ERCC6: variants seen among roughly 807,000 people sequenced by gnomAD.
ERCC6 encodes the protein DNA excision repair protein ERCC-6.
In ERCC6, 116 loss-of-function variants were observed where a neutral mutation model predicts 158.7. The observed-to-expected ratio is 0.73, with a 90% CI of 0.63 to 0.85. The LOEUF (loss-of-function observed/expected upper bound fraction) is 0.85. Ranked by LOEUF, ERCC6 falls within the 40% of genes least tolerant of loss-of-function variation. The pLI, the probability that ERCC6 is intolerant of heterozygous loss-of-function variation, is 0.00. For missense variants in ERCC6, 1,698 were observed against 1,799.4 expected, an observed-to-expected ratio of 0.94 and a Z score of 1.02; for synonymous variants, 678 against 659.3, an observed-to-expected ratio of 1.03 and a Z score of -0.43.
chr10:49,515,302 T>C (rs764124941), intron 5 of ERCC6: 8 of 1,574,504 alleles, frequency 5.1e-6, no homozygotes, highest in African/African-American at 1.4e-5. Context: ...TATAAAACTA[T>C]GTTTCTTATC....
chr10:49,518,686 C>T (rs1342713907), intron 5 of ERCC6, among the ~76,000 whole-genome samples: 1 of 152,116 alleles, frequency 6.6e-6, no homozygotes, highest in Non-Finnish European at 1.5e-5. Context: ...ATCTGAAATG[C>T]TGACAGCTCC....
At chr10:49,495,801 C>T (rs1430551466) in intron 7 of ERCC6, among the ~76,000 whole-genome samples, 1 of 152,164 alleles carries the variant, frequency 6.6e-6, no homozygotes, top group Admixed American at 6.5e-5. Flanking sequence ...GTCGCCATGT[C>T]TCTCCGTCTA....
At chr10:49,519,957 A>C (rs547037784) in intron 5 of ERCC6, among the ~76,000 whole-genome samples, 1 of 152,174 alleles carries the variant, frequency 6.6e-6, no homozygotes, top group South Asian at 2.1e-4. Flanking sequence ...GGTGTTTCCC[A>C]TGTGATTCTG....
At position 49,461,473 on chromosome 10, in the gene ERCC6, G is replaced by A. The variant is rs185142838; in HGVS notation, c.3862C>T (p.Arg1288Ter). ...DYVLVEAEAN[R>*]VAQDALKALR... Reference sequence around the variant, plus strand: ...GCTTTCAGGGCATCCTGGGCCACTCGGTTGGCTTCTGCCTCCACCAGTACA... The same window carrying A: ...GCTTTCAGGGCATCCTGGGCCACTCAGTTGGCTTCTGCCTCCACCAGTACA... The change falls in exon 19 of 21, where the codon CGA becomes TGA. Residue 1288 changes from arginine (R) to a stop codon, truncating the protein, a stop_gained. Coordinates refer to ENST00000355832, the MANE Select transcript of ERCC6 (RefSeq NM_000124.4). LOFTEE classifies it high-confidence loss of function. The A allele has an allele frequency of 9.1e-5, 147 of 1,614,122 alleles. No homozygotes were observed. The highest frequency in any genetic ancestry group is 5.3e-5 in the Non-Finnish European group (62 of 1,179,998).
intron 5 of ERCC6, among the ~76,000 whole-genome samples, chr10:49,520,895 T>C (rs891108724): frequency 2.6e-5 from 4 of 152,226 alleles, no homozygotes; most frequent in African/African-American, 9.6e-5. Context: ...TTCTCAATGA[T>C]GCACCTGGAG....
At chr10:49,492,466 AC>A (rs1357853146) in intron 8 of ERCC6, among the ~76,000 whole-genome samples, 2 of 152,200 alleles carry the variant, frequency 1.3e-5, no homozygotes, top group Non-Finnish European at 2.9e-5. Context: ...CACAGTCCCT[AC>A]TCAACAGAGC....
chr10:49,459,584 C>T (rs769590741), intron 20 of ERCC6, among the ~76,000 whole-genome samples: 6 of 152,168 alleles, frequency 3.9e-5, no homozygotes, highest in African/African-American at 1.2e-4. Context: ...CTTTCAGTAC[C>T]TGTGGGCTTT....
chr10:49,471,821 A>G (rs1375212197), intron 16 of ERCC6, among the ~76,000 whole-genome samples: 1 of 152,196 alleles, frequency 6.6e-6, no homozygotes, highest in Non-Finnish European at 1.5e-5. Flanking sequence ...GCTCAAGGAT[A>G]AAGTCTGTGG....
chr10:49,491,890 A>G lies in ERCC6; in HGVS notation c.1821+1227T>C, dbSNP rs4253144. 9.9e-3 allele frequency among the ~76,000 whole-genome samples: 1,514 copies of G among 152,384 alleles called. 19 individuals are homozygous for G. The highest frequency in any genetic ancestry group is 0.035 in the African/African-American group (1,436 of 41,592). ...GAAAAAGGAACCACAAATGTTTTACAAGGGTAGTGACAGGATAGTTTAAGG... is the reference window on the plus strand; with the variant it reads ...GAAAAAGGAACCACAAATGTTTTACGAGGGTAGTGACAGGATAGTTTAAGG... On this transcript the variant is annotated intron_variant, in intron 8 of 20. Coordinates refer to ENST00000355832, the MANE Select transcript of ERCC6 (RefSeq NM_000124.4).
rs1851062946 is a variant in ERCC6, at chr10:49,485,563, GGATTGA to G, written c.1822-2053_1822-2048del. 5.9e-5 allele frequency among the ~76,000 whole-genome samples: 9 copies of G among 152,240 alleles called. No individual in the cohort carries two copies. The South Asian group carries it at 1.9e-3, about 32-fold the overall frequency. On this transcript the variant is annotated intron_variant, in intron 8 of 20. Transcript: ENST00000355832. ...ATTCCTGTTCAGTTTCATAAAAGCT[GGATTGA>G]GATTAAGGGAAAATAAAAGTGAACT... is the stretch of plus-strand genomic sequence containing the variant.
chr10:49,523,428 G>A (rs1315979758), intron 5 of ERCC6, among the ~76,000 whole-genome samples: 3 of 152,232 alleles, frequency 2.0e-5, no homozygotes, highest in Non-Finnish European at 2.9e-5. Context: ...AAAAGCCAAA[G>A]TCAGTCTCTA....
Position 49,457,558 on chromosome 10 carries a change from T to C in ERCC6, c.*1257A>G, listed in dbSNP as rs1044478457. 6.6e-6 allele frequency: 1 copy of C among 152,168 alleles called. No homozygotes were observed. The highest frequency in any genetic ancestry group is 6.5e-5 in the Admixed American group (1 of 15,270). 9.4% of individuals were successfully genotyped at this position (152,168 alleles called of 1,614,324 possible). On this transcript the variant is annotated 3_prime_UTR_variant, in exon 21 of 21. Transcript: ENST00000355832. ...AAGATCTGGACACAGCTATCCATGT[T>C]AAGCATGAGAGAGATGTAAAGAAAT...
At chr10:49,513,901 C>T (rs1298866828) in intron 5 of ERCC6, among the ~76,000 whole-genome samples, 1 of 151,954 alleles carries the variant, frequency 6.6e-6, no homozygotes, top group South Asian at 2.1e-4. Flanking sequence ...AGAAAGGAAG[C>T]TGTCCAAGAT....
At chr10:49,480,864 A>C (rs1241575928) in intron 10 of ERCC6, among the ~76,000 whole-genome samples, 2 of 152,230 alleles carry the variant, frequency 1.3e-5, no homozygotes, top group Non-Finnish European at 2.9e-5. Context: ...TCTACAAACT[A>C]ACAGGCCTAT....
the ERCC6 span, among the ~76,000 whole-genome samples, chr10:49,438,744 C>T: frequency 6.6e-6 from 1 of 152,188 alleles, no homozygotes; most frequent in Non-Finnish European, 1.5e-5. Flanking sequence ...AAATCAAAAG[C>T]AAGCTAGTTA....
At chr10:49,517,714 GCTAA>G (rs2132604830) in intron 5 of ERCC6, among the ~76,000 whole-genome samples, 1 of 151,638 alleles carries the variant, frequency 6.6e-6, no homozygotes, top group East Asian at 1.9e-4. Flanking sequence ...ACCACACCCA[GCTAA>G]CTTTTTCTAT....
intron 6 of ERCC6, chr10:49,502,067 T>A (rs768326383): frequency 6.6e-6 from 1 of 152,206 alleles, no homozygotes; most frequent in Non-Finnish European, 1.5e-5. Context: ...GTTGTTTTGC[T>A]GTCCAAATAC....
At chr10:49,479,386 T>G (rs1186291664) in intron 10 of ERCC6, among the ~76,000 whole-genome samples, 1 of 152,152 alleles carries the variant, frequency 6.6e-6, no homozygotes, top group Non-Finnish European at 1.5e-5. Flanking sequence ...TAAAAATACC[T>G]CACTCATGCA....
At chr10:49,439,410 A>T in the ERCC6 span, among the ~76,000 whole-genome samples, 8 of 152,182 alleles carry the variant, frequency 5.3e-5, no homozygotes, top group Admixed American at 4.6e-4. Flanking sequence ...CCACAGCTGG[A>T]GCAGCTGGGA....
Sources: allele counts gnomAD v4.1 joint callset (sites outside exome capture counted in the v4.1 genomes callset), GRCh38; gene constraint gnomAD v4.1.1; transcripts MANE v1.5; gene names NCBI Gene and HGNC (gene_info 2026-07-23, HGNC 2026-07-21).